The following GNG7 variants were observed in gnomAD, a reference collection of about 807,000 sequenced individuals.
GNG7 encodes G protein subunit gamma 7, also known as guanine nucleotide-binding protein G(I)/G(S)/G(O) subunit gamma-7.
GNG7 carries 1 observed loss-of-function variant against 4.0 expected under a neutral mutation model. The observed-to-expected ratio is 0.25, with a 90% CI of 0.09 to 1.18. The LOEUF is 1.18. Ranked by LOEUF, GNG7 falls within the 50% of genes most tolerant of loss-of-function variation. The probability of loss-of-function intolerance (pLI) is 0.50; values close to 1 mark genes in which losing one functional copy is unlikely to be tolerated. For missense variants in GNG7, 86 were observed against 91.9 expected, an observed-to-expected ratio of 0.94 and a Z score of 0.26; for synonymous variants, 34 against 36.9, an observed-to-expected ratio of 0.92 and a Z score of 0.29.
intron 3 of GNG7, among the ~76,000 whole-genome samples, chr19:2,539,059 C>T (rs927579901): frequency 2.0e-5 from 3 of 152,256 alleles, no homozygotes; most frequent in East Asian, 3.9e-4. Flanking sequence ...GCGTGAGCCA[C>T]GGCACCCAGC....
At chr19:2,670,337 C>A (rs1239609545) in intron 1 of GNG7, among the ~76,000 whole-genome samples, 1 of 152,190 alleles carries the variant, frequency 6.6e-6, no homozygotes, top group African/African-American at 2.4e-5. Context: ...TGGCAGCAGG[C>A]CTGCCTCTGA....
intron 1 of GNG7, among the ~76,000 whole-genome samples, chr19:2,651,018 C>A (rs951475203): frequency 1.3e-5 from 2 of 152,158 alleles, no homozygotes; most frequent in African/African-American, 4.8e-5. Flanking sequence ...GGCCCTTCCA[C>A]CCAGCAGGCA....
intron 2 of GNG7, among the ~76,000 whole-genome samples, chr19:2,561,103 A>T (rs1979729000): frequency 6.6e-6 from 1 of 152,012 alleles, no homozygotes; most frequent in Non-Finnish European, 1.5e-5. Flanking sequence ...TCCCTCCCCC[A>T]TTCAAGGTGT....
intron 3 of GNG7, among the ~76,000 whole-genome samples, chr19:2,545,036 G>C (rs1979080531): frequency 6.6e-6 from 1 of 152,158 alleles, no homozygotes; most frequent in South Asian, 2.1e-4. Flanking sequence ...TCCCAGCTCG[G>C]TGTGGATTTC....
chr19:2,573,019 CTTT>C (rs1201908411), intron 2 of GNG7, among the ~76,000 whole-genome samples: 126 of 132,826 alleles, frequency 9.5e-4, no homozygotes, highest in Middle Eastern at 3.9e-3. Flanking sequence ...GAAATTTCTC[CTTT>C]TTTTTTTTTT....
In GNG7 at chr19:2,557,299, GCA is replaced by G. The variant is rs1368854209; in HGVS notation, c.-77-2113_-77-2112del. On this transcript the variant is annotated intron_variant, in intron 2 of 4. Transcript: ENST00000382159. This position sits in a 1 kb window ranked among gnomAD's most constrained non-coding sequence, Gnocchi z 5.1. Reference sequence around the variant, plus strand: ...CACAGACACGTGCACACACAGAGGTGCACATACACGCACAGACACACATGTGC... The same window carrying G: ...CACAGACACGTGCACACACAGAGGTGCATACACGCACAGACACACATGTGC... Among the ~76,000 whole-genome samples the G allele has an allele frequency of 1.4e-5, 2 of 141,408 alleles. No homozygotes were observed. Among genetic ancestry groups the G allele is most frequent in the African/African-American group, 5.4e-5 (2 of 36,822 alleles). The allele number at this position is 141,408 out of a possible 152,430, so 92.8% of individuals were successfully genotyped here. A position where few individuals can be genotyped will look rare whatever the true frequency, so the allele number is the denominator to read the frequency against.
chr19:2,636,060 G>C (rs1982299709), intron 2 of GNG7, among the ~76,000 whole-genome samples: 1 of 152,190 alleles, frequency 6.6e-6, no homozygotes, highest in Admixed American at 6.5e-5. Context: ...AATGTCTACA[G>C]GAGCCAGGGG....
intron 1 of GNG7, among the ~76,000 whole-genome samples, chr19:2,698,603 C>T (rs921780725): frequency 3.3e-5 from 5 of 151,862 alleles, no homozygotes. Context: ...AAAAAGAAAG[C>T]ACCAGCTCCC....
rs574593658 is a variant in GNG7 at position 2,628,219 on chromosome 19, C to T, written c.-78+18005G>A. 2.2e-4 allele frequency among the ~76,000 whole-genome samples: 33 copies of T among 152,314 alleles called. No homozygotes were observed. In the South Asian group the frequency reaches 5.8e-3, roughly 27 times the overall value. ...AAGAGTCTGGCTTAACTGGGTCCCC[C>T]GCTCAGAGTCTTATAAGCCTAAAAT... On this transcript the variant is annotated intron_variant, in intron 2 of 4. Coordinates refer to ENST00000382159, the MANE Select transcript of GNG7 (RefSeq NM_052847.3).
intron 1 of GNG7, among the ~76,000 whole-genome samples, chr19:2,689,363 TGG>T (rs1913081431): frequency 1.3e-5 from 2 of 151,632 alleles, no homozygotes; most frequent in African/African-American, 2.4e-5. Context: ...CCGGGCTCGG[TGG>T]GCCTCCCAGC....
chr19:2,688,302 C>T (rs183887841), intron 1 of GNG7, among the ~76,000 whole-genome samples: 12 of 152,248 alleles, frequency 7.9e-5, no homozygotes, highest in East Asian at 5.8e-4. Flanking sequence ...CAAAGTTTGC[C>T]GTACGAAGGA....
intron 2 of GNG7, among the ~76,000 whole-genome samples, chr19:2,638,272 G>A (rs1301113660): frequency 6.6e-6 from 1 of 150,692 alleles, no homozygotes; most frequent in Non-Finnish European, 1.5e-5. Flanking sequence ...CCGAGGCAGA[G>A]AATTACTTGA....
In GNG7 at chr19:2,557,530, C is replaced by G. The variant is rs941940413; in HGVS notation, c.-77-2342G>C. Among the ~76,000 whole-genome samples the G allele has an allele frequency of 1.7e-4, 26 of 152,210 alleles. No homozygotes were observed. The highest frequency in any genetic ancestry group is 2.4e-5 in the African/African-American group (1 of 41,456). ...GCACTCACAAAAGACTCAGAGGCTC[C>G]GCCTGGCCGGGTCAGCGAATGGAGT... On this transcript the variant is annotated intron_variant, in intron 2 of 4. Transcript: ENST00000382159. The surrounding 1 kb of genome is among the most constrained non-coding windows in gnomAD (Gnocchi z 5.1).
Position 2,618,537 on chromosome 19 carries a change from C to T in GNG7, c.-78+27687G>A, listed in dbSNP as rs1003801588. On this transcript the variant is annotated intron_variant, in intron 2 of 4. Coordinates refer to ENST00000382159, the MANE Select transcript of GNG7 (RefSeq NM_052847.3). The surrounding 1 kb of genome is among the most constrained non-coding windows in gnomAD (Gnocchi z 5.1). ...CTAATTTTTGTATTTTCAGTGGAGA[C>T]GGGGTTTCGCCATGTTGTCCAGGCT... 4.0e-5 allele frequency among the ~76,000 whole-genome samples: 6 copies of T among 151,772 alleles called. No homozygotes were observed. The highest frequency in any genetic ancestry group is 9.7e-5 in the African/African-American group (4 of 41,272).
At chr19:2,600,954 G>C (rs369750323) in intron 2 of GNG7, among the ~76,000 whole-genome samples, 2 of 152,108 alleles carry the variant, frequency 1.3e-5, no homozygotes, top group African/African-American at 4.8e-5. Flanking sequence ...AAGCTGAAAA[G>C]TACGGCTGAA....
At chr19:2,527,203 G>C (rs1189973959) in intron 3 of GNG7, among the ~76,000 whole-genome samples, 1 of 152,174 alleles carries the variant, frequency 6.6e-6, no homozygotes, top group African/African-American at 2.4e-5. Context: ...ACATAGTCCA[G>C]GGAGCCCCAC....
chr19:2,695,111 G>T (rs1913214758), intron 1 of GNG7, among the ~76,000 whole-genome samples: 1 of 152,054 alleles, frequency 6.6e-6, no homozygotes, highest in Non-Finnish European at 1.5e-5. Flanking sequence ...CGGAGTTTGA[G>T]GCTGCAGTGA....
At chr19:2,554,140 C>T (rs1979472172) in intron 3 of GNG7, among the ~76,000 whole-genome samples, 1 of 146,142 alleles carries the variant, frequency 6.8e-6, no homozygotes, top group African/African-American at 2.5e-5. Context: ...TATATTATAG[C>T]AGTGAACTAT....
At chr19:2,652,893 G>A (rs1982867918) in intron 1 of GNG7, among the ~76,000 whole-genome samples, 1 of 151,872 alleles carries the variant, frequency 6.6e-6, no homozygotes, top group Admixed American at 6.6e-5. Flanking sequence ...AACCAGCCTG[G>A]GCAACATAGC....
Sources: allele counts gnomAD v4.1 joint callset (sites outside exome capture counted in the v4.1 genomes callset), GRCh38; gene constraint gnomAD v4.1.1; non-coding constraint Gnocchi (gnomAD v3.1); transcripts MANE v1.5; gene names NCBI Gene and HGNC (gene_info 2026-07-23, HGNC 2026-07-21).